GREB1L: variants seen among roughly 807,000 people sequenced by gnomAD.
GREB1L encodes GREB1-like protein.
A neutral mutation model predicts 200.8 loss-of-function variants in GREB1L; 17 were observed. The ratio of observed to expected loss-of-function variants is 0.08; its 90% CI spans 0.06 to 0.13. The LOEUF is 0.13. Among genes scored for constraint, GREB1L ranks in the 10% least tolerant of loss-of-function variants. GREB1L has a pLI of 1.00. For missense variants in GREB1L, 1,657 were observed against 2,367.7 expected (o/e 0.70, Z 6.23); for synonymous variants, 789 against 893.0 (o/e 0.88, Z 2.08).
chr18:21,244,237 T>G (rs1373613270), intron 1 of GREB1L, among the ~76,000 whole-genome samples: 10 of 152,206 alleles, frequency 6.6e-5, no homozygotes, highest in African/African-American at 2.4e-4. Context: ...CAATCTTTAT[T>G]GAATTTTTCC....
At chr18:21,442,685 A>G (rs1276854886) in intron 10 of GREB1L, among the ~76,000 whole-genome samples, 6 of 152,132 alleles carry the variant, frequency 3.9e-5, no homozygotes, top group African/African-American at 1.2e-4. Context: ...TAGGAAGACA[A>G]CCTCACAAAA....
At chr18:21,270,222 A>G (rs1220048754) in intron 1 of GREB1L, among the ~76,000 whole-genome samples, 1 of 152,232 alleles carries the variant, frequency 6.6e-6, no homozygotes, top group Non-Finnish European at 1.5e-5. Flanking sequence ...CAACAAAGTG[A>G]AAAAGGGGAC....
At chr18:21,405,487 C>T (rs2030083390) in intron 7 of GREB1L, among the ~76,000 whole-genome samples, 1 of 152,194 alleles carries the variant, frequency 6.6e-6, no homozygotes, top group South Asian at 2.1e-4. Flanking sequence ...CAGTACTCGA[C>T]TGATGTCTGC....
At chr18:21,484,007 G>T (rs1381899915) in intron 17 of GREB1L, among the ~76,000 whole-genome samples, 1 of 151,170 alleles carries the variant, frequency 6.6e-6, no homozygotes, top group Non-Finnish European at 1.5e-5. Flanking sequence ...CAGAATTTGG[G>T]CTACCAAATT....
chr18:21,323,521 C>T (rs1435778004), intron 1 of GREB1L, among the ~76,000 whole-genome samples: 2 of 152,140 alleles, frequency 1.3e-5, no homozygotes, highest in African/African-American at 4.8e-5. Flanking sequence ...CTTAGCCTCA[C>T]TCAAAATAAG....
intron 1 of GREB1L, among the ~76,000 whole-genome samples, chr18:21,253,758 A>C (rs2037752230): frequency 6.6e-6 from 1 of 151,548 alleles, no homozygotes; most frequent in Non-Finnish European, 1.5e-5. Flanking sequence ...CTATGCATTA[A>C]TGATTTTACA....
intron 1 of GREB1L, among the ~76,000 whole-genome samples, chr18:21,329,714 A>T (rs186872452): frequency 3.3e-4 from 50 of 152,228 alleles, no homozygotes; most frequent in African/African-American, 1.2e-3. Context: ...GGTAAACAAA[A>T]ACAATGAGGA....
chr18:21,408,718 C>T (rs1437164543), intron 7 of GREB1L, among the ~76,000 whole-genome samples: 2 of 149,638 alleles, frequency 1.3e-5, no homozygotes, highest in East Asian at 3.9e-4. Flanking sequence ...CACTTGAACC[C>T]GGCAGGTGGA....
intron 2 of GREB1L, among the ~76,000 whole-genome samples, chr18:21,379,000 G>C (rs923659230): frequency 1.3e-5 from 2 of 151,992 alleles, no homozygotes; most frequent in African/African-American, 4.8e-5. Context: ...CTTCCAAAGT[G>C]CTGGGATTCC....
At chr18:21,312,426 TAA>T (rs1437694865) in intron 1 of GREB1L, among the ~76,000 whole-genome samples, 1 of 152,220 alleles carries the variant, frequency 6.6e-6, no homozygotes, top group East Asian at 1.9e-4. Flanking sequence ...GTGGTCGAAG[TAA>T]TTCACACTCA....
intron 1 of GREB1L, among the ~76,000 whole-genome samples, chr18:21,318,625 C>T (rs2038907981): frequency 6.6e-6 from 1 of 152,166 alleles, no homozygotes. Flanking sequence ...CATTTTCATG[C>T]ATATTCTATA....
chr18:21,423,263 GA>G (rs2032305930), intron 7 of GREB1L, among the ~76,000 whole-genome samples: 1 of 152,002 alleles, frequency 6.6e-6, no homozygotes. Context: ...CTCCCTTATT[GA>G]CATTAAGCAT....
chr18:21,353,812 G>A (rs1317519515), intron 1 of GREB1L, among the ~76,000 whole-genome samples: 1 of 152,056 alleles, frequency 6.6e-6, no homozygotes, highest in East Asian at 1.9e-4. Flanking sequence ...TTGAGGCAGA[G>A]TCTCTCTCTG....
intron 1 of GREB1L, among the ~76,000 whole-genome samples, chr18:21,246,035 C>T (rs1375203894): frequency 6.6e-6 from 1 of 152,110 alleles, no homozygotes; most frequent in Non-Finnish European, 1.5e-5. Flanking sequence ...AATGCCTATT[C>T]TTATACATGT....
intron 1 of GREB1L, among the ~76,000 whole-genome samples, chr18:21,247,833 T>A (rs763865301): frequency 6.6e-6 from 1 of 152,052 alleles, no homozygotes; most frequent in Non-Finnish European, 1.5e-5. Flanking sequence ...TGATGTAGAG[T>A]TGCACTTAGA....
chr18:21,281,280 T>A (rs999133633), intron 1 of GREB1L, among the ~76,000 whole-genome samples: 2 of 152,246 alleles, frequency 1.3e-5, no homozygotes, highest in Admixed American at 1.3e-4. Flanking sequence ...TAAGCTTCCC[T>A]CATTGCTGAG....
intron 1 of GREB1L, among the ~76,000 whole-genome samples, chr18:21,282,195 G>A (rs575168661): frequency 6.6e-6 from 1 of 152,254 alleles, no homozygotes; most frequent in East Asian, 1.9e-4. Context: ...GATCACTTAA[G>A]CCCAGGAGTT....
Position 21,501,490 on chromosome 18 carries a change from T to C in GREB1L, c.4072+848T>C, listed in dbSNP as rs546741672. Among the ~76,000 whole-genome samples, 301 of 152,294 alleles carry C rather than the reference T, an allele frequency of 2.0e-3. 2 individuals carry two copies. The Middle Eastern group carries it at 0.027, about 14-fold the overall frequency. Reference sequence around the variant, plus strand: ...TGAGTGAGAACATGCTGTGTTTGGTTTTCTGTTCCTGTGTTAGTTTGCTGA... The same window carrying C: ...TGAGTGAGAACATGCTGTGTTTGGTCTTCTGTTCCTGTGTTAGTTTGCTGA... On this transcript the variant is annotated intron_variant, in intron 23 of 32. Coordinates refer to ENST00000424526, the MANE Select transcript of GREB1L (RefSeq NM_001142966.3).
At position 21,420,078 on chromosome 18, in the gene GREB1L, A is replaced by G. The variant is rs544418598; in HGVS notation, c.832+16084A>G. ...GAACTTCTCCTTCAAATGAGAATGA[A>G]AAGACAAGCCACAGACGGGCGCGGT... On this transcript the variant is annotated intron_variant, in intron 7 of 32. Coordinates refer to ENST00000424526, the MANE Select transcript of GREB1L (RefSeq NM_001142966.3). Among the ~76,000 whole-genome samples, 8 of 152,330 alleles carry G rather than the reference A, an allele frequency of 5.3e-5. No individual in the cohort carries two copies. In the South Asian group the frequency reaches 1.7e-3, roughly 32 times the overall value.
Sources: gnomAD v4.1 joint callset for allele counts (sites outside exome capture counted in the v4.1 genomes callset) on GRCh38, gnomAD v4.1.1 for gene constraint, MANE v1.5 for transcripts, NCBI Gene and HGNC (gene_info 2026-07-23, HGNC 2026-07-21) for gene names.